SLX4IP: variants seen among roughly 807,000 people sequenced by gnomAD.
SLX4IP encodes SLX4 interacting protein.
SLX4IP carries 34 observed loss-of-function variants against 32.9 expected under a neutral mutation model. That is an observed-to-expected ratio of 1.03 (90% confidence interval 0.79 to 1.38). The LOEUF (loss-of-function observed/expected upper bound fraction) is 1.38, where lower values mean the gene tolerates loss of function less well. Ranked by LOEUF, SLX4IP falls within the 40% of genes most tolerant of loss-of-function variation. The pLI, the probability that SLX4IP is intolerant of heterozygous loss-of-function variation, is 0.00. For missense variants in SLX4IP, 444 were observed against 479.0 expected (o/e 0.93, Z 0.68); for synonymous variants, 172 against 171.7 (o/e 1.00, Z -0.01).
At chr20:10,518,831 A>G (rs945294660) in intron 2 of SLX4IP, among the ~76,000 whole-genome samples, 1 of 152,056 alleles carries the variant, frequency 6.6e-6, no homozygotes, top group Non-Finnish European at 1.5e-5. Flanking sequence ...TGGCCTCCCA[A>G]AGTGCTGGGA....
chr20:10,473,868 G>A (rs2065449613), intron 2 of SLX4IP, among the ~76,000 whole-genome samples: 1 of 151,862 alleles, frequency 6.6e-6, no homozygotes, highest in Non-Finnish European at 1.5e-5. Flanking sequence ...TGTCGCCCAG[G>A]CTAGAGTGTG....
intron 2 of SLX4IP, among the ~76,000 whole-genome samples, chr20:10,490,139 TA>T (rs1274981836): frequency 6.6e-6 from 1 of 151,722 alleles, no homozygotes; most frequent in Non-Finnish European, 1.5e-5. Context: ...CATGCAAACC[TA>T]AAGAACATGT....
At chr20:10,597,348 G>T (rs56285614) in intron 4 of SLX4IP, among the ~76,000 whole-genome samples, 2,888 of 152,236 alleles carry the variant, frequency 0.019, 81 homozygotes, top group African/African-American at 0.066. Flanking sequence ...AACCAGGAAC[G>T]GTTTTACTGT....
At chr20:10,540,100 C>CTTCCTTCCT (rs1568730724) in intron 2 of SLX4IP, among the ~76,000 whole-genome samples, 398 of 17,584 alleles carry the variant, frequency 0.023, 2 homozygotes, top group African/African-American at 0.068. Context: ...CCTTCCTTTC[C>CTTCCTTCCT]TTCCTTCCTT....
At chr20:10,542,602 A>C (rs535212078) in intron 2 of SLX4IP, among the ~76,000 whole-genome samples, 53 of 152,184 alleles carry the variant, frequency 3.5e-4, no homozygotes, top group Non-Finnish European at 5.7e-4. Context: ...TCATCCTGTC[A>C]CTTTTCCCGG....
chr20:10,466,854 A>AT (rs923290259), intron 2 of SLX4IP, among the ~76,000 whole-genome samples: 16 of 110,162 alleles, frequency 1.5e-4, no homozygotes, highest in Non-Finnish European at 3.5e-4. Context: ...GAGAGATTTT[A>AT]TTAAAAAAAA....
At chr20:10,555,098 G>A (rs781229977) in intron 2 of SLX4IP, among the ~76,000 whole-genome samples, 14 of 151,502 alleles carry the variant, frequency 9.2e-5, no homozygotes, top group African/African-American at 2.2e-4. Flanking sequence ...TGTATATAGC[G>A]TGAGGTAGGT....
At chr20:10,449,955 A>G (rs1401315147) in intron 1 of SLX4IP, among the ~76,000 whole-genome samples, 1 of 151,670 alleles carries the variant, frequency 6.6e-6, no homozygotes, top group Non-Finnish European at 1.5e-5. Context: ...ATAAAAGTAA[A>G]AAAAAAAACC....
chr20:10,463,688 A>C (rs1050649440), intron 2 of SLX4IP, among the ~76,000 whole-genome samples: 4 of 152,242 alleles, frequency 2.6e-5, no homozygotes, highest in African/African-American at 9.6e-5. Context: ...ATAGAAAACT[A>C]AACAAAAGAA....
intron 4 of SLX4IP, among the ~76,000 whole-genome samples, chr20:10,582,142 T>A (rs1407713315): frequency 6.6e-6 from 1 of 151,804 alleles, no homozygotes; most frequent in Non-Finnish European, 1.5e-5. Context: ...GAAAGTGAAG[T>A]TTTCATGGAA....
rs1053673043 is a variant in SLX4IP, at chr20:10,623,574, A to G, written c.*195A>G. On this transcript the variant is annotated 3_prime_UTR_variant, in exon 8 of 8. Transcript: ENST00000334534. ...ACCGGGAGGCTATATGCTTGTTCTA[A>G]CAGCGTTGCTTCTTTATCATTGTAT... 1.4e-5 allele frequency: 10 copies of G among 726,462 alleles called. No individual in the cohort carries two copies. The highest frequency in any genetic ancestry group is 2.2e-5 in the Non-Finnish European group (10 of 464,106). The allele number at this position is 726,462 out of a possible 1,614,324, so 45.0% of individuals were successfully genotyped here. A position where few individuals can be genotyped will look rare whatever the true frequency, so the allele number is the denominator to read the frequency against.
intron 4 of SLX4IP, among the ~76,000 whole-genome samples, chr20:10,584,792 G>A (rs957368992): frequency 3.9e-5 from 6 of 152,174 alleles, no homozygotes; most frequent in Admixed American, 3.9e-4. Flanking sequence ...TTAATAACTG[G>A]AAGAGGAAGT....
intron 1 of SLX4IP, among the ~76,000 whole-genome samples, chr20:10,436,658 C>T (rs2065118380): frequency 6.6e-6 from 1 of 152,112 alleles, no homozygotes; most frequent in Admixed American, 6.6e-5. Flanking sequence ...CCCGGCCTGG[C>T]CCATTCTTTG....
intron 4 of SLX4IP, among the ~76,000 whole-genome samples, chr20:10,580,498 C>CA (rs2066572127): frequency 1.9e-5 from 2 of 104,188 alleles, no homozygotes; most frequent in African/African-American, 6.4e-5. Flanking sequence ...TTAGACTTAC[C>CA]CTTTTTTTTT....
At chr20:10,570,906 G>A (rs908247788) in intron 4 of SLX4IP, among the ~76,000 whole-genome samples, 3 of 152,146 alleles carry the variant, frequency 2.0e-5, no homozygotes, top group Admixed American at 6.5e-5. Flanking sequence ...CGTGGCTCAT[G>A]GCAGCCTCAA....
chr20:10,503,827 C>A (rs112928763), intron 2 of SLX4IP, among the ~76,000 whole-genome samples: 6 of 152,146 alleles, frequency 3.9e-5, no homozygotes, highest in African/African-American at 1.4e-4. Context: ...AAATGCATTG[C>A]AATCTTTGCC....
intron 6 of SLX4IP, chr20:10,613,423 G>A: frequency 6.3e-7 from 1 of 1,582,198 alleles, no homozygotes; most frequent in Middle Eastern, 2.3e-4. Flanking sequence ...GACCTTTGAA[G>A]AGAAAAATTC....
intron 4 of SLX4IP, among the ~76,000 whole-genome samples, chr20:10,576,451 A>C (rs1415499636): frequency 6.6e-6 from 1 of 152,220 alleles, no homozygotes; most frequent in Non-Finnish European, 1.5e-5. Flanking sequence ...TATTACTTAG[A>C]GCATAAACTC....
intron 3 of SLX4IP, among the ~76,000 whole-genome samples, chr20:10,557,241 T>C (rs2066276383): frequency 6.6e-6 from 1 of 152,210 alleles, no homozygotes; most frequent in Non-Finnish European, 1.5e-5. Flanking sequence ...TGCTTTTAAT[T>C]AGCTTTTGGA....
Sources: allele counts gnomAD v4.1 joint callset (sites outside exome capture counted in the v4.1 genomes callset), GRCh38; gene constraint gnomAD v4.1.1; transcripts MANE v1.5; gene names NCBI Gene and HGNC (gene_info 2026-07-23, HGNC 2026-07-21).